The following CLIC5 variants were observed in gnomAD, a reference collection of about 807,000 sequenced individuals.
CLIC5 encodes CLIC family member 5, also known as chloride intracellular channel protein 5.
In CLIC5, 20 loss-of-function variants were observed where a neutral mutation model predicts 24.7. The ratio of observed to expected loss-of-function variants is 0.81; its 90% confidence interval spans 0.57 to 1.18. The LOEUF is 1.18. CLIC5 is among the 50% of genes most tolerant of loss of function. The probability of loss-of-function intolerance (pLI) is 0.00; values close to 1 mark genes in which losing one functional copy is unlikely to be tolerated. For missense variants in CLIC5, 341 were observed against 326.1 expected, an observed-to-expected ratio of 1.05 and a Z score of -0.35; for synonymous variants, 159 against 135.6, an observed-to-expected ratio of 1.17 and a Z score of -1.20.
In CLIC5 at chr6:45,914,243, C is replaced by T. The variant is rs768631127; in HGVS notation, c.573G>A (p.Lys191=). ...LTLADCNLLP[K]LHVVKIVAKK... is the part of the protein sequence containing the mutation. Reference sequence around the variant, plus strand: ...GCTCTCTTACCTTGACCACATGGAGCTTGGGCAACAGATTGCAGTCAGCCA... The same window carrying T: ...GCTCTCTTACCTTGACCACATGGAGTTTGGGCAACAGATTGCAGTCAGCCA... The change falls in exon 5 of 6, where the codon AAG becomes AAA. Residue 191 remains lysine (K), a synonymous_variant. Coordinates refer to ENST00000339561, the MANE Select transcript of CLIC5 (RefSeq NM_016929.5). 7.8e-5 allele frequency: 125 copies of T among 1,597,926 alleles called. No individual in the cohort carries two copies. The highest frequency in any genetic ancestry group is 1.0e-4 in the Non-Finnish European group (120 of 1,168,692).
intron 1 of CLIC5, among the ~76,000 whole-genome samples, chr6:45,963,472 G>A (rs1000515299): frequency 4.6e-5 from 7 of 152,070 alleles, no homozygotes; most frequent in African/African-American, 1.7e-4. Context: ...GCCTGCCTGT[G>A]GACCCCTTAT....
intron 1 of CLIC5, among the ~76,000 whole-genome samples, chr6:45,984,853 T>C (rs1581826182): frequency 1.3e-5 from 2 of 152,186 alleles, no homozygotes; most frequent in Non-Finnish European, 2.9e-5. Context: ...GAAATCCTTC[T>C]TTCCCTCCAA....
intron 4 of CLIC5, among the ~76,000 whole-genome samples, chr6:45,927,054 C>A (rs1011938560): frequency 6.6e-6 from 1 of 152,082 alleles, no homozygotes; most frequent in African/African-American, 2.4e-5. Context: ...GGTTCCACAG[C>A]GGGGACAGGA....
At chr6:45,911,806 C>A (rs1231572931) in intron 5 of CLIC5, 2 of 985,304 alleles carry the variant, frequency 2.0e-6, no homozygotes, top group African/African-American at 3.5e-5. Flanking sequence ...GAAAGGCCTG[C>A]AGATGCCTCT....
At chr6:46,039,820 G>C (rs1767757164) in intron 1 of CLIC5, among the ~76,000 whole-genome samples, 1 of 152,140 alleles carries the variant, frequency 6.6e-6, no homozygotes, top group Admixed American at 6.5e-5. Flanking sequence ...ATAAGGAAAT[G>C]CAGACAATAA....
At chr6:46,032,014 G>T (rs964703538) in intron 1 of CLIC5, among the ~76,000 whole-genome samples, 1 of 151,258 alleles carries the variant, frequency 6.6e-6, no homozygotes, top group Non-Finnish European at 1.5e-5. Flanking sequence ...ATACTAAATT[G>T]TAAATAGTGG....
chr6:45,909,040 C>CT lies in CLIC5; in HGVS notation c.588+5187dup, dbSNP rs60050419. Among the ~76,000 whole-genome samples the CT allele has an allele frequency of 1.3e-3, 178 of 136,606 alleles. No individual in the cohort carries two copies. In the East Asian group the frequency reaches 0.017, roughly 13 times the overall value. The allele number at this position is 136,606 out of a possible 152,430, so 89.6% of individuals were successfully genotyped here. A position where few individuals can be genotyped will look rare whatever the true frequency, so the allele number is the denominator to read the frequency against. ...CTATTATGTAATGCCCTTCTTTGTTCTTTTTTTTTTTTTCACTATTGTTGG... is the reference window on the plus strand; with the variant it reads ...CTATTATGTAATGCCCTTCTTTGTTCTTTTTTTTTTTTTTCACTATTGTTGG... On this transcript the variant is annotated intron_variant, in intron 5 of 5. Coordinates refer to ENST00000339561, the MANE Select transcript of CLIC5 (RefSeq NM_016929.5).
chr6:46,063,266 G>A lies in CLIC5; in HGVS notation c.540+16437C>T, dbSNP rs140851183. The stretch of plus-strand genomic sequence containing the variant: ...GGCAATATTCCAGAAGAACAGAGAA[G>A]CAACTCAAGATAAATGGAGATCTTA... On this transcript the variant is annotated intron_variant, in intron 1 of 5. Coordinates refer to the CLIC5 transcript ENST00000185206. Among the ~76,000 whole-genome samples, 1,120 of 152,280 alleles carry A rather than the reference G, an allele frequency of 7.4e-3. 8 individuals carry two copies. Among genetic ancestry groups the A allele is most frequent in the Middle Eastern group, 0.017 (5 of 294 alleles).
intron 3 of CLIC5, among the ~76,000 whole-genome samples, chr6:45,942,886 C>A (rs777002935): frequency 9.2e-5 from 14 of 152,170 alleles, no homozygotes; most frequent in Non-Finnish European, 1.9e-4. Flanking sequence ...TGGAAGGGAA[C>A]TGGATACCTG....
At chr6:45,911,401 C>G (rs1463131130) in intron 5 of CLIC5, among the ~76,000 whole-genome samples, 1 of 152,168 alleles carries the variant, frequency 6.6e-6, no homozygotes, top group African/African-American at 2.4e-5. Flanking sequence ...CGATATCTCC[C>G]CAGTCCCTTT....
intron 4 of CLIC5, among the ~76,000 whole-genome samples, chr6:45,939,107 C>G (rs530469332): frequency 6.6e-6 from 1 of 152,120 alleles, no homozygotes; most frequent in African/African-American, 2.4e-5. Context: ...CTTGCCTCTT[C>G]CAGCTTCCGG....
chr6:46,049,776 A>G (rs1429522250), intron 1 of CLIC5, among the ~76,000 whole-genome samples: 1 of 152,254 alleles, frequency 6.6e-6, no homozygotes, highest in Non-Finnish European at 1.5e-5. Flanking sequence ...CTATGTAAAT[A>G]GCCTCAGGCA....
chr6:46,071,731 A>T (rs1428036621), intron 1 of CLIC5, among the ~76,000 whole-genome samples: 1 of 152,184 alleles, frequency 6.6e-6, no homozygotes, highest in Non-Finnish European at 1.5e-5. Context: ...CAATCTCATT[A>T]CTGGGTATAT....
intron 1 of CLIC5, among the ~76,000 whole-genome samples, chr6:45,988,065 A>G (rs1765803635): frequency 6.6e-6 from 1 of 152,206 alleles, no homozygotes; most frequent in Admixed American, 6.5e-5. Context: ...TATCATCTAT[A>G]TCAGGTAAGG....
At chr6:45,955,715 G>A (rs747621047) in intron 1 of CLIC5, among the ~76,000 whole-genome samples, 22 of 151,972 alleles carry the variant, frequency 1.4e-4, no homozygotes, top group Non-Finnish European at 2.4e-4. Flanking sequence ...GCCAAAATAT[G>A]TTCCTCTGTA....
At chr6:45,895,716 C>G (rs1391774619), downstream of CLIC5, among the ~76,000 whole-genome samples, 1 of 152,194 alleles carries the variant, frequency 6.6e-6, no homozygotes, top group Non-Finnish European at 1.5e-5. Context: ...CGCTCTATCT[C>G]TTAAAGGAGC....
At position 45,903,096 on chromosome 6, in the gene CLIC5, G is replaced by C; in HGVS notation, c.748C>G (p.Arg250Gly). The change falls in exon 6 of 6, where the codon CGA (arginine) becomes GGA (glycine). Residue 250 changes from arginine to glycine, a missense_variant. Physicochemically the swap from Arg to Gly is moderately radical, Grantham distance 125. Coordinates refer to ENST00000339561, the MANE Select transcript of CLIC5 (RefSeq NM_016929.5). ...AYADVAKRLSRS is the reference protein window; with the variant it reads ...AYADVAKRLSGS ...GGGCAAAATGGCTGTGCTCAGGATC[G>C]GCTGAGGCGTTTGGCGACATCAGCG... 2.5e-6 allele frequency: 4 copies of C among 1,614,096 alleles called. No individual in the cohort carries two copies. The highest frequency in any genetic ancestry group is 3.4e-6 in the Non-Finnish European group (4 of 1,179,992).
At chr6:45,924,382 C>T (rs1047742890) in intron 4 of CLIC5, among the ~76,000 whole-genome samples, 2 of 152,164 alleles carry the variant, frequency 1.3e-5, no homozygotes, top group East Asian at 1.9e-4. Context: ...GACCTCCCTC[C>T]CCCTTGCTCA....
intron 1 of CLIC5, among the ~76,000 whole-genome samples, chr6:45,973,784 G>T (rs1765282769): frequency 6.6e-6 from 1 of 152,120 alleles, no homozygotes; most frequent in Admixed American, 6.5e-5. Context: ...TAAAAAATTA[G>T]CTGGGGGTGG....
Sources: allele counts gnomAD v4.1 joint callset (sites outside exome capture counted in the v4.1 genomes callset), GRCh38; gene constraint gnomAD v4.1.1; transcripts MANE v1.5; gene names NCBI Gene and HGNC (gene_info 2026-07-23, HGNC 2026-07-21).